Variants in RIF1 observed in about 807,000 individuals in gnomAD.
RIF1 encodes the protein replication timing regulatory factor 1, also known as telomere-associated protein RIF1.
A neutral mutation model predicts 247.1 loss-of-function variants in RIF1; 45 were observed. The ratio of observed to expected loss-of-function variants is 0.18; its 90% CI spans 0.14 to 0.23. The LOEUF is 0.23. Ranked by LOEUF, RIF1 falls within the 10% of genes least tolerant of loss-of-function variation. The pLI is 1.00. For missense variants in RIF1, 2,967 were observed against 2,862.5 expected (o/e 1.04, Z -0.83); for synonymous variants, 1,087 against 978.8 (o/e 1.11, Z -2.06).
intron 24 of RIF1, 93 bp from the exon 25 acceptor site, chr2:151,458,718 T>C (rs1313071101): frequency 1.9e-6 from 1 of 532,050 alleles, no homozygotes; most frequent in Non-Finnish European, 3.3e-6. Context: ...TGTATTTTGC[T>C]GCTCTAAAAA....
chr2:151,446,364 T>A (rs541790632), intron 19 of RIF1, 62 bp from the exon 20 acceptor site: 2 of 1,408,064 alleles, frequency 1.4e-6, no homozygotes, highest in Admixed American at 1.9e-5. Context: ...ATGTATTGAT[T>A]CTATAAACTT....
At chr2:151,422,841 T>C (rs1410212733) in intron 7 of RIF1, 109 bp from the exon 8 acceptor site, 3 of 638,600 alleles carry the variant, frequency 4.7e-6, no homozygotes, top group Non-Finnish European at 2.7e-6. Flanking sequence ...ATTTTTATTA[T>C]GGAGAAAACT....
chr2:151,412,263 T>TC (rs1558923399), intron 3 of RIF1, among the ~76,000 whole-genome samples: 1 of 151,948 alleles, frequency 6.6e-6, no homozygotes. Context: ...CTCCAAAGTT[T>TC]GAGTTCTCAT....
downstream of RIF1, among the ~76,000 whole-genome samples, chr2:151,482,743 T>C (rs896618130): frequency 2.0e-5 from 3 of 152,182 alleles, no homozygotes; most frequent in African/African-American, 7.2e-5. Flanking sequence ...GCTGTAACAG[T>C]ACCACAAACC....
intron 26 of RIF1, 42 bp downstream of exon 26, chr2:151,460,161 A>G: frequency 7.2e-7 from 1 of 1,397,940 alleles, no homozygotes; most frequent in South Asian, 1.3e-5. Context: ...AAGATAAAGT[A>G]TATTGTAACT....
At position 151,487,462 on chromosome 2, in the gene RIF1, C is replaced by G. The variant is rs551019146; in HGVS notation, c.*415+4127C>G. Among the ~76,000 whole-genome samples, 6 of 152,230 alleles carry G rather than the reference C, an allele frequency of 3.9e-5. No individual in the cohort carries two copies. The South Asian group carries it at 1.2e-3, about 32-fold the overall frequency. On this transcript the variant is annotated intron_variant and NMD_transcript_variant, in intron 9 of 13. Coordinates refer to the RIF1 transcript ENST00000454583. The stretch of plus-strand genomic sequence containing the variant: ...TCCTTTCCCCTTTGCATAAGTGGAA[C>G]ATTACTATAAATAATACTGTGATTT...
chr2:151,467,978 A>G, intron 30 of RIF1, 22 bp from the exon 31 acceptor site: 1 of 1,571,734 alleles, frequency 6.4e-7, no homozygotes, highest in East Asian at 2.3e-5. Flanking sequence ...TTGTTAAGTA[A>G]AATCCTGACC....
At chr2:151,421,190 TTA>T (rs1391891605) in intron 7 of RIF1, among the ~76,000 whole-genome samples, 2 of 152,200 alleles carry the variant, frequency 1.3e-5, no homozygotes, top group African/African-American at 4.8e-5. Context: ...TTGATGGAGC[TTA>T]TTTTCTTGTG....
the RIF1 span, chr2:151,525,848 G>A: frequency 1.2e-6 from 1 of 836,134 alleles, no homozygotes. Context: ...AGATATTGAT[G>A]GTAAGAGTGA....
rs1692461435 is a variant in RIF1, at chr2:151,442,346, T to C, written c.1734+355T>C. On this transcript the variant is annotated intron_variant, in intron 16 of 35. Coordinates refer to ENST00000444746, the MANE Select transcript of RIF1 (RefSeq NM_018151.5). ...GCCTTGCTCTTCCAAATCCTGGGAT[T>C]ACAGGTGTGAGCCACTGTGCCCAGC... 1.3e-5 allele frequency among the ~76,000 whole-genome samples: 2 copies of C among 150,536 alleles called. 1 individual carries two copies. The highest frequency in any genetic ancestry group is 4.2e-4 in the South Asian group (2 of 4,790).
intron 11 of RIF1, among the ~76,000 whole-genome samples, chr2:151,499,933 A>G (rs557466986): frequency 3.3e-5 from 5 of 152,312 alleles, no homozygotes; most frequent in South Asian, 2.1e-4. Flanking sequence ...CCTAAATGCA[A>G]TCTGTGTAAA....
At chr2:151,410,732 G>T (rs1686018999) in intron 2 of RIF1, among the ~76,000 whole-genome samples, 1 of 152,150 alleles carries the variant, frequency 6.6e-6, no homozygotes, top group Admixed American at 6.5e-5. Flanking sequence ...CTTGAGGTGT[G>T]TGTTTGGAAC....
chr2:151,510,568 C>T (rs1016241979), downstream of RIF1, among the ~76,000 whole-genome samples: 2 of 152,164 alleles, frequency 1.3e-5, no homozygotes, highest in African/African-American at 2.4e-5. Flanking sequence ...GAGTACATTA[C>T]AATAAGATAT....
At chr2:151,498,094 A>T in intron 10 of RIF1, 1 of 1,472,638 alleles carries the variant, frequency 6.8e-7, no homozygotes. Flanking sequence ...TGAAGTAAAA[A>T]ATTGACATTA....
rs991937356 is a variant in RIF1 at position 151,490,621 on chromosome 2, T to C, written c.*416-4608T>C. The C allele has an allele frequency of 1.7e-5, 24 of 1,394,464 alleles. No individual in the cohort carries two copies. In the African/African-American group the frequency reaches 3.1e-4, roughly 18 times the overall value. 86.4% of individuals were successfully genotyped at this position (1,394,464 alleles called of 1,614,324 possible). ...CAGTTATTGTTATCTTTGCCAAGCA[T>C]GGTTTTAAGTACTTTCCCATGGGTC... On this transcript the variant is annotated intron_variant and NMD_transcript_variant, in intron 9 of 13. Transcript: ENST00000454583.
At position 151,469,743 on chromosome 2, in the gene RIF1, A is replaced by C. The variant is rs1697512234; in HGVS notation, c.6974A>C (p.Lys2325Thr). 1 of 1,605,206 alleles carries C rather than the reference A, an allele frequency of 6.2e-7. No homozygotes were observed. Residue 2325 changes from lysine (K) to threonine (T), a missense_variant, in exon 34 of 36, where the codon AAG becomes ACG. Transcript: ENST00000444746. ...ARGLGQLIRA[K>T]NIKTIGDLST... ...GGCCTGGGACAACTCATTAGAGCTA[A>C]GAATATAAAAACTATTGGTGATTTG...
At chr2:151,420,732 C>T (rs1342892030) in intron 7 of RIF1, among the ~76,000 whole-genome samples, 2 of 82,880 alleles carry the variant, frequency 2.4e-5, no homozygotes, top group African/African-American at 9.4e-5. Context: ...GAGACCCTGT[C>T]TCAAAAAAAA....
chr2:151,414,870 A>G lies in RIF1; in HGVS notation c.231A>G (p.Gln77=). The part of the protein sequence containing the change: ...QNSELSSAAL[Q]ALGFCLYNPK... ...CGGAGCTGAGTAGTGCTGCTCTACA[A>G]GCCCTGGGGTTTTGCTTATATAATC... The change falls in exon 4 of 36, where the codon CAA becomes CAG. Residue 77 remains glutamine (Q), a synonymous_variant. Transcript: ENST00000444746. 1 of 1,613,600 alleles carries G rather than the reference A, an allele frequency of 6.2e-7. No individual in the cohort carries two copies. The highest frequency in any genetic ancestry group is 8.5e-7 in the Non-Finnish European group (1 of 1,179,802).
intron 11 of RIF1, among the ~76,000 whole-genome samples, chr2:151,499,939 G>A (rs2063166574): frequency 6.6e-6 from 1 of 152,126 alleles, no homozygotes; most frequent in South Asian, 2.1e-4. Context: ...TGCAATCTGT[G>A]TAAAAATTAA....
Sources: allele counts gnomAD v4.1 joint callset (sites outside exome capture counted in the v4.1 genomes callset), GRCh38; gene constraint gnomAD v4.1.1; transcripts MANE v1.5; gene names NCBI Gene and HGNC (gene_info 2026-07-23, HGNC 2026-07-21).